The following PDCD6 variants were observed in gnomAD, a reference collection of about 807,000 sequenced individuals.
The protein encoded by PDCD6 is programmed cell death protein 6.
A neutral mutation model predicts 28.3 loss-of-function variants in PDCD6; 12 were observed. The ratio of observed to expected loss-of-function variants is 0.42; its 90% CI spans 0.27 to 0.69. The LOEUF (loss-of-function observed/expected upper bound fraction) is 0.69, where lower values mean the gene tolerates loss of function less well. Ranked by LOEUF, PDCD6 falls within the 30% of genes least tolerant of loss-of-function variation. The pLI is 0.22. For synonymous variants in PDCD6, 92 were observed against 108.0 expected, an observed-to-expected ratio of 0.85 and a Z score of 0.92; for missense variants, 226 against 269.9, an observed-to-expected ratio of 0.84 and a Z score of 1.14.
chr5:278,526 A>G (rs4957009), intron 2 of PDCD6, among the ~76,000 whole-genome samples: 1 of 147,608 alleles, frequency 6.8e-6, no homozygotes, highest in East Asian at 2.0e-4. Context: ...CCTGGGCAAC[A>G]TGGCAGATCC....
Position 294,945 on chromosome 5 carries a change from C to T in PDCD6, c.164-9232C>T, listed in dbSNP as rs116572037. 7.5e-3 allele frequency among the ~76,000 whole-genome samples: 1,136 copies of T among 152,150 alleles called. 8 individuals carry two copies. The highest frequency in any genetic ancestry group is 0.026 in the African/African-American group (1,089 of 41,484). ...TCGGTGCGCACAGGCCGAGGGATGC[C>T]GCCACGTGACATCTTGGAGAAGACA... On this transcript the variant is annotated intron_variant, in intron 2 of 5. Transcript: ENST00000264933.
In PDCD6 at chr5:276,588, T is replaced by C. The variant is rs537555055; in HGVS notation, c.163+3816T>C. On this transcript the variant is annotated intron_variant, in intron 2 of 5. Transcript: ENST00000264933. ...AATATGAATTCCTATACTAATATGA[T>C]TGAAATTAGTTTGATTTCTATAATA... is the stretch of plus-strand genomic sequence containing the variant. 1.3e-5 allele frequency: 13 copies of C among 982,206 alleles called. No individual in the cohort carries two copies. In the East Asian group the frequency reaches 5.7e-4, roughly 43 times the overall value. 60.8% of individuals were successfully genotyped at this position (982,206 alleles called of 1,614,324 possible).
At chr5:311,506 T>C in intron 5 of PDCD6, 104 bp downstream of exon 5, 1 of 751,014 alleles carries the variant, frequency 1.3e-6, no homozygotes, top group Non-Finnish European at 2.3e-6. Context: ...ATGTGTAGAA[T>C]TAGTTTTTGG....
chr5:296,025 T>C (rs1326979972), intron 2 of PDCD6, among the ~76,000 whole-genome samples: 1 of 152,196 alleles, frequency 6.6e-6, no homozygotes, highest in East Asian at 1.9e-4. Flanking sequence ...GGCGTCTTAC[T>C]GTCCAGATGG....
rs1740578906 is a variant in PDCD6 at position 307,283 on chromosome 5, GCGCCT to G, written c.367+525_367+529del. On this transcript the variant is annotated intron_variant, in intron 4 of 5. Coordinates refer to ENST00000264933, the MANE Select transcript of PDCD6 (RefSeq NM_013232.4). The surrounding 1 kb of genome is among the most constrained non-coding windows in gnomAD (Gnocchi z 6.1). ...GCGTGTGTGTGCACACGTGTGCCGT[GCGCCT>G]CAGAAGGGGCGTTAGGCAGAACGCG... Among the ~76,000 whole-genome samples, 4 of 115,236 alleles carry G rather than the reference GCGCCT, an allele frequency of 3.5e-5. No homozygotes were observed. Among genetic ancestry groups the G allele is most frequent in the Non-Finnish European group, 7.0e-5 (4 of 57,482 alleles). The allele number at this position is 115,236 out of a possible 152,430, so 75.6% of individuals were successfully genotyped here. A position where few individuals can be genotyped will look rare whatever the true frequency, so the allele number is the denominator to read the frequency against.
intron 2 of PDCD6, among the ~76,000 whole-genome samples, chr5:295,382 A>G (rs1561041447): frequency 6.6e-6 from 1 of 152,076 alleles, no homozygotes; most frequent in Non-Finnish European, 1.5e-5. Flanking sequence ...ATAACATTTA[A>G]AAAGCGGCAG....
chr5:306,535 G>A, intron 3 of PDCD6, 67 bp from the exon 4 acceptor site: 10 of 1,573,734 alleles, frequency 6.4e-6, no homozygotes, highest in Non-Finnish European at 8.7e-6. Context: ...CTGAGGTCTG[G>A]TGGGAAGCCT....
intron 4 of PDCD6, 70 bp from the exon 5 acceptor site, chr5:311,223 G>A: frequency 8.6e-7 from 1 of 1,157,426 alleles, no homozygotes; most frequent in East Asian, 2.4e-5. Flanking sequence ...CCTTGGGCAG[G>A]AGGGGTGAGT....
At chr5:311,619 C>T (rs550683412) in intron 5 of PDCD6, 1 of 532,766 alleles carries the variant, frequency 1.9e-6, no homozygotes, top group Non-Finnish European at 3.3e-6. Flanking sequence ...AGCCCATCTG[C>T]AAGACGTGGT....
rs766071836 is a variant in PDCD6, at chr5:271,816, C to T, written c.96C>T (p.Phe32=). The T allele has an allele frequency of 7.0e-7, 1 of 1,438,522 alleles. No individual in the cohort carries two copies. Among genetic ancestry groups the T allele is most frequent in the Non-Finnish European group, 9.1e-7 (1 of 1,098,500 alleles). 89.1% of individuals were successfully genotyped at this position (1,438,522 alleles called of 1,614,324 possible). Residue 32 remains phenylalanine, a synonymous_variant, in exon 1 of 6, where the codon TTC becomes TTT. Transcript: ENST00000264933. ...ACCAGAGCTTCCTGTGGAACGTTTTCCAGAGGTGCGGCCTGGCACCGCCCG... is the reference window on the plus strand; with the variant it reads ...ACCAGAGCTTCCTGTGGAACGTTTTTCAGAGGTGCGGCCTGGCACCGCCCG... ...LPDQSFLWNV[F]QRVDKDRSGV... is the part of the protein sequence containing the mutation.
intron 2 of PDCD6, among the ~76,000 whole-genome samples, chr5:299,241 TCCCC>T (rs1260469957): frequency 2.4e-5 from 1 of 41,940 alleles, no homozygotes; most frequent in Non-Finnish European, 4.3e-5. Flanking sequence ...CCTCCGCTGC[TCCCC>T]CCCAGCTGTT....
intron 2 of PDCD6, among the ~76,000 whole-genome samples, chr5:287,327 A>G (rs1359454774): frequency 2.0e-5 from 3 of 151,266 alleles, no homozygotes; most frequent in Admixed American, 1.3e-4. Flanking sequence ...TTAGGGAAGT[A>G]GAGAGAGAGA....
chr5:278,698 G>A (rs1448014182), intron 2 of PDCD6, among the ~76,000 whole-genome samples: 1 of 151,422 alleles, frequency 6.6e-6, no homozygotes, highest in African/African-American at 2.4e-5. Context: ...GGGTGACAGA[G>A]CCAGACCCTG....
At chr5:310,083 C>T (rs1740809409) in intron 4 of PDCD6, 1 of 236,944 alleles carries the variant, frequency 4.2e-6, no homozygotes, top group Non-Finnish European at 8.4e-6. Flanking sequence ...CCCTGTGGGC[C>T]TGTCCCAGGC....
chr5:288,519 A>T (rs541733116), intron 2 of PDCD6, among the ~76,000 whole-genome samples: 2 of 151,622 alleles, frequency 1.3e-5, no homozygotes. Flanking sequence ...AACTTTTCAA[A>T]ATTATGATTA....
intron 1 of PDCD6, among the ~76,000 whole-genome samples, chr5:272,133 G>A (rs1278365946): frequency 1.3e-5 from 2 of 151,244 alleles, no homozygotes; most frequent in Non-Finnish European, 1.5e-5. Context: ...TGCAGAGTGC[G>A]CCACTGCAGA....
chr5:304,298 C>G, intron 3 of PDCD6, 77 bp downstream of exon 3: 1 of 877,568 alleles, frequency 1.1e-6, no homozygotes, highest in South Asian at 1.7e-5. Context: ...TTTCCTTTGT[C>G]TGTGGGTCCG....
chr5:303,597 A>G (rs1740272497), intron 2 of PDCD6, among the ~76,000 whole-genome samples: 1 of 151,854 alleles, frequency 6.6e-6, no homozygotes, highest in Non-Finnish European at 1.5e-5. Flanking sequence ...GTAATTTGTC[A>G]GGAATGTTTG....
At chr5:276,488 A>G in intron 2 of PDCD6, 1 of 981,842 alleles carries the variant, frequency 1.0e-6, no homozygotes, top group East Asian at 1.1e-4. Context: ...AAAATTAGAG[A>G]TGGAGTCTCA....
Sources: gnomAD v4.1 joint callset for allele counts (sites outside exome capture counted in the v4.1 genomes callset) on GRCh38, gnomAD v4.1.1 for gene constraint, Gnocchi (gnomAD v3.1) non-coding constraint, MANE v1.5 for transcripts, NCBI Gene and HGNC (gene_info 2026-07-23, HGNC 2026-07-21) for gene names.